Variants in AXIN1 observed in about 807,000 individuals in gnomAD.
AXIN1 encodes axin 1, also known as axin-1.
In AXIN1, 30 loss-of-function variants were observed where a neutral mutation model predicts 76.4. The ratio of observed to expected loss-of-function variants is 0.39; its 90% CI spans 0.29 to 0.53. AXIN1 has a LOEUF of 0.53. AXIN1 is among the 20% of genes least tolerant of loss of function. The pLI is 0.66. For missense variants in AXIN1, 1,140 were observed against 1,198.8 expected (o/e 0.95, Z 0.72); for synonymous variants, 545 against 501.4 (o/e 1.09, Z -1.16).
intron 2 of AXIN1, among the ~76,000 whole-genome samples, chr16:341,060 T>C (rs1189470981): frequency 6.6e-6 from 1 of 152,228 alleles, no homozygotes; most frequent in African/African-American, 2.4e-5. Context: ...CCTGGCACGT[T>C]CCTCCACGCA....
intron 8 of AXIN1, chr16:291,590 C>T (rs892529620): frequency 2.0e-6 from 1 of 502,594 alleles, no homozygotes; most frequent in Admixed American, 3.2e-5. Context: ...GATCCCACCA[C>T]CTCATCCCCT....
intron 4 of AXIN1, among the ~76,000 whole-genome samples, chr16:308,692 T>C (rs1487817613): frequency 2.0e-5 from 3 of 152,188 alleles, no homozygotes; most frequent in African/African-American, 4.8e-5. Flanking sequence ...ATGATAGCCT[T>C]GGGCCATGCC....
At chr16:348,512 CCA>C (rs1337197124) in intron 1 of AXIN1, among the ~76,000 whole-genome samples, 1 of 152,200 alleles carries the variant, frequency 6.6e-6, no homozygotes, top group Non-Finnish European at 1.5e-5. Context: ...CACGAAGGAT[CCA>C]CAGAGCCAGG....
chr16:304,263 C>G lies in AXIN1; in HGVS notation c.1254+41G>C, dbSNP rs757011094. 25 of 1,600,230 alleles carry G rather than the reference C, an allele frequency of 1.6e-5. No homozygotes were observed. In the Admixed American group the frequency reaches 3.0e-4, roughly 19 times the overall value. ...ACATCCCGGCGGCAAGAAAACAGCA[C>G]GACACCGACGCGGAGCGCGACACCG... On this transcript the variant is annotated intron_variant, in intron 5 of 10. Coordinates refer to ENST00000262320, the MANE Select transcript of AXIN1 (RefSeq NM_003502.4).
Position 293,995 on chromosome 16 carries a change from G to A in AXIN1, c.1956-277C>T, listed in dbSNP as rs888057343. 1.3e-5 allele frequency among the ~76,000 whole-genome samples: 2 copies of A among 152,076 alleles called. No homozygotes were observed. Among genetic ancestry groups the A allele is most frequent in the Admixed American group, 6.5e-5 (1 of 15,284 alleles). ...GAGTTCGAGATCAACCTAACATGGT[G>A]AAACCTCATCGCTACTAAATATACA... is the stretch of plus-strand genomic sequence containing the variant. On this transcript the variant is annotated intron_variant, in intron 7 of 10. Transcript: ENST00000262320. This position sits in a 1 kb window ranked among gnomAD's most constrained non-coding sequence, Gnocchi z 4.6.
chr16:308,440 T>C (rs907164854), intron 4 of AXIN1, among the ~76,000 whole-genome samples: 2 of 152,178 alleles, frequency 1.3e-5, no homozygotes, highest in African/African-American at 4.8e-5. Flanking sequence ...ACACGAAGAC[T>C]CTGACCAGCA....
At chr16:331,348 G>T (rs957399437) in intron 2 of AXIN1, among the ~76,000 whole-genome samples, 1 of 152,120 alleles carries the variant, frequency 6.6e-6, no homozygotes, top group African/African-American at 2.4e-5. Context: ...CATTCTCAGG[G>T]ATCCTGGAGC....
At chr16:348,805 A>G (rs944853407) in intron 1 of AXIN1, among the ~76,000 whole-genome samples, 11 of 147,962 alleles carry the variant, frequency 7.4e-5, no homozygotes, top group Non-Finnish European at 1.5e-4. Flanking sequence ...TCCTGTCTCT[A>G]AAAAAAAAAT....
At chr16:289,419 C>T in intron 10 of AXIN1, 21 bp downstream of exon 10, 1 of 1,612,432 alleles carries the variant, frequency 6.2e-7, no homozygotes, top group Non-Finnish European at 8.5e-7. Flanking sequence ...GGGGAGGGGG[C>T]ACCCCAGCCC....
chr16:296,611 G>A (rs2052718317), intron 7 of AXIN1, among the ~76,000 whole-genome samples: 1 of 152,226 alleles, frequency 6.6e-6, no homozygotes, highest in South Asian at 2.1e-4. Flanking sequence ...GAGGAGAGAA[G>A]TGCTCACGCT....
At chr16:309,381 A>C (rs889992754) in intron 4 of AXIN1, among the ~76,000 whole-genome samples, 1 of 152,144 alleles carries the variant, frequency 6.6e-6, no homozygotes, top group Non-Finnish European at 1.5e-5. Flanking sequence ...AAAGATCATT[A>C]ATCTGTTCAT....
intron 10 of AXIN1, among the ~76,000 whole-genome samples, chr16:289,083 T>C (rs1453040197): frequency 3.3e-5 from 3 of 89,766 alleles, no homozygotes; most frequent in Admixed American, 2.8e-4. Context: ...CTTTTTCTTC[T>C]TTTTTTTTTT....
intron 1 of AXIN1, among the ~76,000 whole-genome samples, chr16:350,714 C>T (rs1011415226): frequency 2.0e-5 from 3 of 152,128 alleles, no homozygotes; most frequent in African/African-American, 4.8e-5. Context: ...CAATGTAATC[C>T]GAAAAAGTCT....
intron 8 of AXIN1, chr16:292,859 G>C (rs1482810847): frequency 3.9e-5 from 6 of 153,468 alleles, no homozygotes; most frequent in African/African-American, 1.5e-4. Context: ...TCTGGCTACG[G>C]AGCCCAGAAG....
intron 2 of AXIN1, among the ~76,000 whole-genome samples, chr16:332,729 G>A (rs1423886599): frequency 6.8e-6 from 1 of 146,386 alleles, no homozygotes; most frequent in Non-Finnish European, 1.5e-5. Context: ...GGAAAAAAAT[G>A]TATTGAAAAG....
At chr16:294,755 CAAAAAAAAAAAAA>C (rs1015576394) in intron 7 of AXIN1, among the ~76,000 whole-genome samples, 29 of 24,770 alleles carry the variant, frequency 1.2e-3, no homozygotes, top group African/African-American at 4.4e-3. Flanking sequence ...AACCCCATCT[CAAAAAAAAAAAAA>C]AAAAAAAAAA....
Position 305,833 on chromosome 16 carries a change from T to C in AXIN1, c.1117-1392A>G, listed in dbSNP as rs564803584. Reference sequence around the variant, plus strand: ...TGCTGGGATTACAGGCGTGAGCCACTGCACCCGGCCCCCCTATAGCTTTTT... The same window carrying C: ...TGCTGGGATTACAGGCGTGAGCCACCGCACCCGGCCCCCCTATAGCTTTTT... On this transcript the variant is annotated intron_variant, in intron 4 of 10. Coordinates refer to ENST00000262320, the MANE Select transcript of AXIN1 (RefSeq NM_003502.4). Among the ~76,000 whole-genome samples the C allele has an allele frequency of 1.8e-3, 278 of 152,144 alleles. 1 individual carries two copies. The highest frequency in any genetic ancestry group is 6.2e-3 in the African/African-American group (257 of 41,424).
chr16:301,795 A>G (rs569250890), intron 5 of AXIN1, among the ~76,000 whole-genome samples: 8 of 152,264 alleles, frequency 5.3e-5, no homozygotes, highest in South Asian at 2.1e-4. Flanking sequence ...CACAACAACA[A>G]AACAGCAAAG....
At chr16:304,534 T>G (rs2052966088) in intron 4 of AXIN1, 93 bp from the exon 5 acceptor site, 1 of 1,553,198 alleles carries the variant, frequency 6.4e-7, no homozygotes, top group East Asian at 2.3e-5. Context: ...ATCTCTGTTG[T>G]ATTTTATTTT....
Sources: allele counts gnomAD v4.1 joint callset (sites outside exome capture counted in the v4.1 genomes callset), GRCh38; gene constraint gnomAD v4.1.1; non-coding constraint Gnocchi (gnomAD v3.1); transcripts MANE v1.5; gene names NCBI Gene and HGNC (gene_info 2026-07-23, HGNC 2026-07-21).